Variants in LRRC4C observed in about 807,000 individuals in gnomAD.
The protein encoded by LRRC4C is leucine-rich repeat-containing protein 4C.
LRRC4C carries 5 observed loss-of-function variants against 33.6 expected under a neutral mutation model. The ratio of observed to expected loss-of-function variants is 0.15; its 90% CI spans 0.08 to 0.31. The LOEUF is 0.31. Among genes scored for constraint, LRRC4C ranks in the 10% least tolerant of loss-of-function variants. The pLI is 1.00. For synonymous variants in LRRC4C, 329 were observed against 302.0 expected (o/e 1.09, Z -0.93); for missense variants, 560 against 796.7 (o/e 0.70, Z 3.58).
In LRRC4C at chr11:40,617,418, A is replaced by G. The variant is rs182730762; in HGVS notation, c.-270+30724T>C. Among the ~76,000 whole-genome samples the G allele has an allele frequency of 1.8e-4, 27 of 151,848 alleles. No individual in the cohort carries two copies. The East Asian group carries it at 4.1e-3, about 23-fold the overall frequency. ...TATTTTCCTAGTCAAGGAACTTACC[A>G]TCAAATCAACATTGCTTCTAGCTGT... On this transcript the variant is annotated intron_variant, in intron 3 of 6. Transcript: ENST00000528697.
At chr11:41,400,582 TA>T (rs965389715) in intron 1 of LRRC4C, among the ~76,000 whole-genome samples, 3 of 21,280 alleles carry the variant, frequency 1.4e-4, no homozygotes, top group African/African-American at 5.1e-4. Context: ...AAATAGGAGA[TA>T]TTTTTTTAAT....
At chr11:41,110,215 T>C (rs992646673) in intron 1 of LRRC4C, among the ~76,000 whole-genome samples, 21 of 152,144 alleles carry the variant, frequency 1.4e-4, no homozygotes, top group African/African-American at 5.1e-4. Flanking sequence ...ATCTCTATGA[T>C]CCTCAGAATT....
At chr11:40,367,695 A>T (rs1400057131) in intron 3 of LRRC4C, among the ~76,000 whole-genome samples, 1 of 152,036 alleles carries the variant, frequency 6.6e-6, no homozygotes, top group African/African-American at 2.4e-5. Context: ...CTTCTTCAAC[A>T]CTTTTGTGAA....
chr11:40,645,042 T>A (rs1942362699), intron 3 of LRRC4C, among the ~76,000 whole-genome samples: 1 of 152,150 alleles, frequency 6.6e-6, no homozygotes, highest in Admixed American at 6.5e-5. Context: ...CATCTACATA[T>A]TTGTATCTCT....
At chr11:40,408,956 C>A (rs958922680) in intron 3 of LRRC4C, among the ~76,000 whole-genome samples, 1 of 151,882 alleles carries the variant, frequency 6.6e-6, no homozygotes, top group East Asian at 1.9e-4. Context: ...CCAAAGCAAT[C>A]TTAAGCAAAT....
intron 1 of LRRC4C, among the ~76,000 whole-genome samples, chr11:41,008,131 T>C (rs943142127): frequency 6.6e-6 from 1 of 152,078 alleles, no homozygotes; most frequent in Non-Finnish European, 1.5e-5. Context: ...TCAGTAATCA[T>C]ACCCAATTCC....
chr11:40,438,254 T>C (rs981880953), intron 3 of LRRC4C, among the ~76,000 whole-genome samples: 1 of 152,234 alleles, frequency 6.6e-6, no homozygotes, highest in Non-Finnish European at 1.5e-5. Flanking sequence ...CTTTCTCATC[T>C]TCTGCAAACA....
chr11:40,303,301 T>C (rs756724276), intron 4 of LRRC4C, among the ~76,000 whole-genome samples: 1 of 152,146 alleles, frequency 6.6e-6, no homozygotes, highest in African/African-American at 2.4e-5. Context: ...CGTATTTGTT[T>C]GTGTATGTGT....
chr11:40,546,206 C>T (rs1956917340), intron 3 of LRRC4C, among the ~76,000 whole-genome samples: 1 of 150,932 alleles, frequency 6.6e-6, no homozygotes, highest in Non-Finnish European at 1.5e-5. Context: ...AAACAAAATG[C>T]TTTTGGCATA....
At chr11:41,048,485 G>C (rs1857962121) in intron 1 of LRRC4C, among the ~76,000 whole-genome samples, 1 of 151,860 alleles carries the variant, frequency 6.6e-6, no homozygotes. Context: ...AGATAGTCTT[G>C]ATCTCCTGAC....
At chr11:40,786,417 G>A (rs755164260) in intron 2 of LRRC4C, among the ~76,000 whole-genome samples, 12 of 152,196 alleles carry the variant, frequency 7.9e-5, no homozygotes, top group Middle Eastern at 3.4e-3. Flanking sequence ...CACAGTCTTC[G>A]GGATCTTTAA....
chr11:40,888,828 A>G (rs1443423108), intron 2 of LRRC4C, among the ~76,000 whole-genome samples: 1 of 152,000 alleles, frequency 6.6e-6, no homozygotes, highest in Non-Finnish European at 1.5e-5. Flanking sequence ...ATGCTTATGA[A>G]GTAGCAATGG....
chr11:40,874,173 A>T (rs1954775491), intron 2 of LRRC4C, among the ~76,000 whole-genome samples: 1 of 152,212 alleles, frequency 6.6e-6, no homozygotes, highest in African/African-American at 2.4e-5. Context: ...AAGTTTATAA[A>T]GATTTGTTTA....
At chr11:40,763,674 G>C (rs1949328045) in intron 2 of LRRC4C, among the ~76,000 whole-genome samples, 1 of 152,076 alleles carries the variant, frequency 6.6e-6, no homozygotes, top group South Asian at 2.1e-4. Flanking sequence ...AGTGATTGTG[G>C]GACTTTGTAT....
chr11:40,165,120 A>G (rs1325730910), intron 5 of LRRC4C, among the ~76,000 whole-genome samples: 1 of 152,252 alleles, frequency 6.6e-6, no homozygotes, highest in Non-Finnish European at 1.5e-5. Context: ...ATATGAAACA[A>G]ATATGACATA....
intron 1 of LRRC4C, among the ~76,000 whole-genome samples, chr11:41,193,806 C>CT (rs34857286): frequency 0.093 from 14,068 of 151,048 alleles, 739 homozygotes; most frequent in Middle Eastern, 0.18. Context: ...CTGATTTTGC[C>CT]TTTTTTTTTA....
intron 5 of LRRC4C, among the ~76,000 whole-genome samples, chr11:40,241,145 A>G (rs1485668747): frequency 6.6e-6 from 1 of 152,152 alleles, no homozygotes; most frequent in African/African-American, 2.4e-5. Context: ...AGGGGGAAGA[A>G]TTGCTTGAAG....
At chr11:41,048,554 C>T (rs561838801) in intron 1 of LRRC4C, among the ~76,000 whole-genome samples, 360 of 152,134 alleles carry the variant, frequency 2.4e-3, no homozygotes, top group African/African-American at 7.8e-3. Flanking sequence ...TGAGCCACTG[C>T]GCCCAGCCCG....
At chr11:40,506,888 T>G (rs1955062400) in intron 3 of LRRC4C, among the ~76,000 whole-genome samples, 1 of 152,048 alleles carries the variant, frequency 6.6e-6, no homozygotes, top group African/African-American at 2.4e-5. Flanking sequence ...ATGAAGTTAT[T>G]TAGGATTATT....
Sources: allele counts gnomAD v4.1 joint callset (sites outside exome capture counted in the v4.1 genomes callset), GRCh38; gene constraint gnomAD v4.1.1; transcripts MANE v1.5; gene names NCBI Gene and HGNC (gene_info 2026-07-23, HGNC 2026-07-21).